Variants in SGCZ observed in about 807,000 individuals in gnomAD.
SGCZ encodes the protein sarcoglycan zeta, also known as zeta-sarcoglycan.
Under a neutral mutation model 41.3 loss-of-function variants are expected in SGCZ, and 40 were observed. The ratio of observed to expected loss-of-function variants is 0.97; its 90% confidence interval spans 0.75 to 1.26. The LOEUF (loss-of-function observed/expected upper bound fraction) is 1.26. Among genes scored for constraint, SGCZ ranks in the 50% most tolerant of loss-of-function variants. The pLI is 0.00. For missense variants in SGCZ, 552 were observed against 369.8 expected, an observed-to-expected ratio of 1.49 and a Z score of -4.04; for synonymous variants, 206 against 137.5, an observed-to-expected ratio of 1.50 and a Z score of -3.49.
intron 1 of SGCZ, among the ~76,000 whole-genome samples, chr8:14,975,177 C>T (rs1801423901): frequency 6.6e-6 from 1 of 152,044 alleles, no homozygotes; most frequent in African/African-American, 2.4e-5. Context: ...GTGGTGGCGG[C>T]TGCCTGTAGC....
intron 1 of SGCZ, among the ~76,000 whole-genome samples, chr8:14,782,739 T>C (rs954964245): frequency 6.6e-6 from 1 of 152,118 alleles, no homozygotes; most frequent in Non-Finnish European, 1.5e-5. Flanking sequence ...AACCTTATAC[T>C]CCAAGGATAC....
At position 14,164,562 on chromosome 8, in the gene SGCZ, GACCTCCATCT is replaced by G; in HGVS notation, c.547+8_547+17del. The G allele has an allele frequency of 6.2e-7, 1 of 1,611,830 alleles. No homozygotes were observed. The highest frequency in any genetic ancestry group is 1.1e-5 in the South Asian group (1 of 90,852). ...TTTAAAGAAGTAAACAATTTTTCAA[GACCTCCATCT>G]ACAGTACCTGTAACTTTCAGCTTTT... On this transcript the variant is annotated splice_region_variant and intron_variant, in intron 5 of 7. Coordinates refer to ENST00000382080, the MANE Select transcript of SGCZ (RefSeq NM_139167.4).
chr8:14,704,900 A>G (rs1478856481), intron 1 of SGCZ, among the ~76,000 whole-genome samples: 4 of 151,982 alleles, frequency 2.6e-5, no homozygotes, highest in East Asian at 3.9e-4. Flanking sequence ...CAAAAGCACT[A>G]TAAGAATCGA....
At chr8:15,070,322 T>G (rs770004994) in intron 1 of SGCZ, among the ~76,000 whole-genome samples, 1 of 152,184 alleles carries the variant, frequency 6.6e-6, no homozygotes, top group Non-Finnish European at 1.5e-5. Context: ...TCTAAAGGCT[T>G]TCCTACATAT....
chr8:14,919,197 G>T (rs139336422), intron 1 of SGCZ, among the ~76,000 whole-genome samples: 1 of 152,162 alleles, frequency 6.6e-6, no homozygotes, highest in East Asian at 1.9e-4. Flanking sequence ...CCCGCACTTT[G>T]GGAGGCCGAG....
At chr8:14,880,278 G>C (rs1804538083) in intron 1 of SGCZ, among the ~76,000 whole-genome samples, 1 of 152,166 alleles carries the variant, frequency 6.6e-6, no homozygotes, top group Admixed American at 6.6e-5. Flanking sequence ...AGTTAGAATG[G>C]TGATCATTAA....
intron 1 of SGCZ, among the ~76,000 whole-genome samples, chr8:15,071,791 A>C (rs893569517): frequency 6.7e-6 from 1 of 150,116 alleles, no homozygotes; most frequent in Non-Finnish European, 1.5e-5. Context: ...CTCTTCCCAC[A>C]AAAAAAAGCT....
At chr8:15,057,485 CAT>C (rs1407425495) in intron 1 of SGCZ, among the ~76,000 whole-genome samples, 1 of 152,172 alleles carries the variant, frequency 6.6e-6, no homozygotes, top group Non-Finnish European at 1.5e-5. Flanking sequence ...AAGCAATCCA[CAT>C]GTTACCAGGT....
intron 1 of SGCZ, among the ~76,000 whole-genome samples, chr8:14,781,088 G>C (rs890075178): frequency 5.9e-5 from 9 of 152,124 alleles, no homozygotes; most frequent in African/African-American, 1.9e-4. Flanking sequence ...GATGCAGTCA[G>C]CATTCTGACT....
chr8:14,347,296 G>C (rs558584114), intron 2 of SGCZ, among the ~76,000 whole-genome samples: 5 of 152,204 alleles, frequency 3.3e-5, no homozygotes, highest in East Asian at 1.9e-4. Context: ...GCAATGTCTG[G>C]AGCTTTTACT....
At chr8:14,370,094 G>C (rs1308047460) in intron 2 of SGCZ, among the ~76,000 whole-genome samples, 3 of 151,886 alleles carry the variant, frequency 2.0e-5, no homozygotes, top group Non-Finnish European at 4.4e-5. Context: ...TGGATGTAGT[G>C]GTAAGATGAA....
chr8:15,228,455 A>T (rs912472144), intron 1 of SGCZ, among the ~76,000 whole-genome samples: 8 of 152,224 alleles, frequency 5.3e-5, no homozygotes, highest in Non-Finnish European at 7.3e-5. Context: ...ACAATATATA[A>T]AAGTAACTGT....
In SGCZ at chr8:14,659,421, T is replaced by A. The variant is rs1807677203; in HGVS notation, c.40-104495A>T. 2.0e-5 allele frequency among the ~76,000 whole-genome samples: 3 copies of A among 152,218 alleles called. No homozygotes were observed. The South Asian group carries it at 6.2e-4, about 31-fold the overall frequency. Reference sequence around the variant, plus strand: ...TTGATAAAAATATTGATTTCTTTTATAATTCTATCCTTTTCTCAAATTTTT... The same window carrying A: ...TTGATAAAAATATTGATTTCTTTTAAAATTCTATCCTTTTCTCAAATTTTT... On this transcript the variant is annotated intron_variant, in intron 1 of 7. Transcript: ENST00000382080.
At position 15,115,218 on chromosome 8, in the gene SGCZ, G is replaced by C. The variant is rs368314884; in HGVS notation, c.39+122367C>G. ...GCTGCCTTCTTTACACATGCCTTCCGAGCTATCAAAGGCAGGGCAGTTGGA... is the reference window on the plus strand; with the variant it reads ...GCTGCCTTCTTTACACATGCCTTCCCAGCTATCAAAGGCAGGGCAGTTGGA... On this transcript the variant is annotated intron_variant, in intron 1 of 7. Coordinates refer to ENST00000382080, the MANE Select transcript of SGCZ (RefSeq NM_139167.4). Among the ~76,000 whole-genome samples, 206 of 152,194 alleles carry C rather than the reference G, an allele frequency of 1.4e-3. No individual in the cohort carries two copies. In the Middle Eastern group the frequency reaches 0.014, roughly 10 times the overall value.
intron 1 of SGCZ, among the ~76,000 whole-genome samples, chr8:15,208,054 G>C (rs1422297193): frequency 6.6e-6 from 1 of 152,116 alleles, no homozygotes; most frequent in Non-Finnish European, 1.5e-5. Context: ...AGTTTTATGT[G>C]TCTACTAAAT....
At chr8:14,838,178 G>T (rs1034216508) in intron 1 of SGCZ, among the ~76,000 whole-genome samples, 2 of 152,040 alleles carry the variant, frequency 1.3e-5, no homozygotes, top group African/African-American at 4.8e-5. Flanking sequence ...TAGTGGGAAG[G>T]GAGCAAAAAG....
At chr8:14,790,403 G>A (rs1172435755) in intron 1 of SGCZ, among the ~76,000 whole-genome samples, 1 of 152,118 alleles carries the variant, frequency 6.6e-6, no homozygotes, top group Non-Finnish European at 1.5e-5. Flanking sequence ...TATGACTGAT[G>A]CAAATGTACA....
At chr8:14,145,737 A>C (rs1397603086) in intron 5 of SGCZ, among the ~76,000 whole-genome samples, 2 of 152,176 alleles carry the variant, frequency 1.3e-5, no homozygotes, top group African/African-American at 4.8e-5. Context: ...CTACCCAATA[A>C]ATTTATCAAA....
At chr8:14,448,884 GAGA>G (rs570116936) in intron 2 of SGCZ, among the ~76,000 whole-genome samples, 1 of 152,290 alleles carries the variant, frequency 6.6e-6, no homozygotes, top group South Asian at 2.1e-4. Context: ...ACTTGTTGAT[GAGA>G]ATATCTCTTC....
Sources: gnomAD v4.1 joint callset for allele counts (sites outside exome capture counted in the v4.1 genomes callset) on GRCh38, gnomAD v4.1.1 for gene constraint, MANE v1.5 for transcripts, NCBI Gene and HGNC (gene_info 2026-07-23, HGNC 2026-07-21) for gene names.